The following DNAH10 variants were observed in gnomAD, a reference collection of about 807,000 sequenced individuals.
The protein encoded by DNAH10 is dynein axonemal heavy chain 10, also known as axonemal beta dynein heavy chain 10.
DNAH10 carries 348 observed loss-of-function variants against 506.6 expected under a neutral mutation model. The observed-to-expected ratio is 0.69, with a 90% CI of 0.63 to 0.75. The LOEUF (loss-of-function observed/expected upper bound fraction) is 0.75. Ranked by LOEUF, DNAH10 falls within the 30% of genes least tolerant of loss-of-function variation. DNAH10 has a pLI of 0.00. For synonymous variants in DNAH10, 2,059 were observed against 2,198.6 expected (o/e 0.94, Z 1.78); for missense variants, 5,179 against 5,787.1 (o/e 0.89, Z 3.41).
chr12:123,835,625 C>A, intron 28 of DNAH10, 97 bp downstream of exon 28: 2 of 1,465,812 alleles, frequency 1.4e-6, no homozygotes, highest in Non-Finnish European at 1.8e-6. Flanking sequence ...CCATTAGTAG[C>A]TTCTCTCTCA....
chr12:123,870,243 T>C (rs1016625739), intron 43 of DNAH10, 123 bp from the exon 44 acceptor site: 2 of 1,284,556 alleles, frequency 1.6e-6, no homozygotes, highest in African/African-American at 3.0e-5. Context: ...GGAGCAGCAT[T>C]GAAGTACTCA....
In DNAH10 at chr12:123,916,519, C is replaced by T. The variant is rs1954485861; in HGVS notation, c.10785C>T (p.Thr3595=). The T allele has an allele frequency of 1.2e-6, 2 of 1,613,766 alleles. No individual in the cohort carries two copies. Among genetic ancestry groups the T allele is most frequent in the African/African-American group, 1.3e-5 (1 of 74,892 alleles). The change falls in exon 63 of 79, where the codon ACC becomes ACT. Residue 3595 remains threonine (T), a synonymous_variant. Transcript: ENST00000673944. The surrounding 1 kb of genome is among the most constrained non-coding windows in gnomAD (Gnocchi z 4.6). The part of the protein sequence containing the change: ...KQLEMSIKYG[T]PFLFRDVDEY... ...TAGAGATGTCCATAAAGTACGGGAC[C>T]CCTTTCCTGTTCCGCGATGTTGATG... is the stretch of plus-strand genomic sequence containing the variant.
chr12:123,838,350 T>C (rs1961397242), intron 28 of DNAH10, 106 bp from the exon 29 acceptor site: 1 of 959,494 alleles, frequency 1.0e-6, no homozygotes, highest in East Asian at 2.6e-5. Context: ...GTCAGTTTTG[T>C]CTCGGCCGTG....
chr12:123,815,129 A>T (rs529034336), intron 21 of DNAH10, among the ~76,000 whole-genome samples: 35 of 152,328 alleles, frequency 2.3e-4, no homozygotes, highest in African/African-American at 8.4e-4. Flanking sequence ...TAATCTGCAC[A>T]AATGGACATC....
At chr12:123,854,154 T>C (rs1290271036) in intron 36 of DNAH10, among the ~76,000 whole-genome samples, 1 of 144,056 alleles carries the variant, frequency 6.9e-6, no homozygotes, top group Non-Finnish European at 1.5e-5. Flanking sequence ...TGTAAAACAC[T>C]ATAAAGTCAG....
chr12:123,833,011 A>C, intron 26 of DNAH10, 103 bp from the exon 27 acceptor site: 1 of 809,200 alleles, frequency 1.2e-6, no homozygotes, highest in South Asian at 1.7e-5. Flanking sequence ...CAGGACTCCG[A>C]TTGCATTGTT....
intron 65 of DNAH10, among the ~76,000 whole-genome samples, chr12:123,920,852 C>T (rs1954690942): frequency 6.6e-6 from 1 of 152,186 alleles, no homozygotes; most frequent in African/African-American, 2.4e-5. Flanking sequence ...TTACTGCAAC[C>T]TCCACCTCCC....
intron 51 of DNAH10, among the ~76,000 whole-genome samples, chr12:123,884,820 G>T (rs1459258180): frequency 6.6e-6 from 1 of 152,152 alleles, no homozygotes; most frequent in Non-Finnish European, 1.5e-5. Context: ...CAATTCAAAT[G>T]ATGCAGAAGC....
chr12:123,786,043 T>A, intron 9 of DNAH10, 107 bp downstream of exon 9: 1 of 1,245,342 alleles, frequency 8.0e-7, no homozygotes, highest in Non-Finnish European at 1.1e-6. Flanking sequence ...TTCTCTTACT[T>A]AAAATGTACA....
rs574080781 is a variant in DNAH10, at chr12:123,909,681, C to T, written c.9997+239C>T. Among the ~76,000 whole-genome samples, 3 of 152,318 alleles carry T rather than the reference C, an allele frequency of 2.0e-5. No individual in the cohort carries two copies. The highest frequency in any genetic ancestry group is 1.9e-4 in the East Asian group (1 of 5,188). On this transcript the variant is annotated intron_variant, in intron 58 of 78. Transcript: ENST00000673944. The surrounding 1 kb of genome is among the most constrained non-coding windows in gnomAD (Gnocchi z 5.4). ...AGCCGTGCCCACTGAGGGTTCGATT[C>T]GGCACTAGTCCTAGCTCTCCGTGTC... is the stretch of plus-strand genomic sequence containing the variant.
chr12:123,916,703 G>T lies in DNAH10; in HGVS notation c.10969G>T (p.Val3657Leu), dbSNP rs200533136. 1.2e-6 allele frequency: 2 copies of T among 1,613,120 alleles called. No homozygotes were observed. The highest frequency in any genetic ancestry group is 1.7e-5 in the Admixed American group (1 of 59,898). Residue 3657 changes from valine (V) to leucine (L), a missense_variant, in exon 63 of 79, where the codon GTG becomes TTG. Coordinates refer to ENST00000673944, the MANE Select transcript of DNAH10 (RefSeq NM_001372106.1). The surrounding 1 kb of genome is among the most constrained non-coding windows in gnomAD (Gnocchi z 4.6). ...KLANPRYSPS[V>L]FGKAMVINYT... Reference sequence around the variant, plus strand: ...GGCCAATCCCAGATATTCCCCATCCGTGTTTGGGAAAGCTATGGTGATCAA... The same window carrying T: ...GGCCAATCCCAGATATTCCCCATCCTTGTTTGGGAAAGCTATGGTGATCAA...
Position 123,909,538 on chromosome 12 carries a change from G to A in DNAH10, c.9997+96G>A. On this transcript the variant is annotated intron_variant, in intron 58 of 78. Coordinates refer to ENST00000673944, the MANE Select transcript of DNAH10 (RefSeq NM_001372106.1). The surrounding 1 kb of genome is among the most constrained non-coding windows in gnomAD (Gnocchi z 5.4). Reference sequence around the variant, plus strand: ...TGGAGGGCAAGGAGGCTTGTCGTGGGCAGGCCCTCCCCTTCTGGTCAGATG... The same window carrying A: ...TGGAGGGCAAGGAGGCTTGTCGTGGACAGGCCCTCCCCTTCTGGTCAGATG... 1.4e-6 allele frequency: 2 copies of A among 1,413,792 alleles called. No homozygotes were observed. Among genetic ancestry groups the A allele is most frequent in the South Asian group, 2.9e-5 (2 of 68,322 alleles). 87.6% of individuals were successfully genotyped at this position (1,413,792 alleles called of 1,614,324 possible). A position where few individuals can be genotyped will look rare whatever the true frequency, so the allele number is the denominator to read the frequency against.
intron 50 of DNAH10, 51 bp from the exon 51 acceptor site, chr12:123,881,574 G>A: frequency 2.7e-6 from 4 of 1,480,444 alleles, no homozygotes; most frequent in Non-Finnish European, 2.7e-6. Flanking sequence ...TGGGTAGATT[G>A]TAAAACCCAC....
chr12:123,932,020 T>C lies in DNAH10; in HGVS notation c.13208T>C (p.Ile4403Thr), dbSNP rs1369868704. Residue 4403 changes from isoleucine (I) to threonine (T), a missense_variant, in exon 76 of 79, where the codon ATC becomes ACC. Transcript: ENST00000673944. ...CTTTTTATCGGGCATATCCCTAATA[T>C]CTGGAGAAGGCTTGCTCCTGACACC... ...RSLFIGHIPN[I>T]WRRLAPDTLK... The C allele has an allele frequency of 6.2e-7, 1 of 1,613,902 alleles. No homozygotes were observed. The highest frequency in any genetic ancestry group is 1.3e-5 in the African/African-American group (1 of 74,922).
chr12:123,922,969 AAG>A, intron 65 of DNAH10: 1 of 152,236 alleles, frequency 6.6e-6, no homozygotes, highest in Admixed American at 6.5e-5. Context: ...TTGGGCAGAA[AAG>A]AGATTGTTTC....
chr12:123,932,024 G>C lies in DNAH10; in HGVS notation c.13212G>C (p.Trp4404Cys), dbSNP rs1434372075. ...TTATCGGGCATATCCCTAATATCTG[G>C]AGAAGGCTTGCTCCTGACACCTTAA... ...SLFIGHIPNIWRRLAPDTLKS... is the reference protein window; with the variant it reads ...SLFIGHIPNICRRLAPDTLKS... The change falls in exon 76 of 79, where the codon TGG (tryptophan) becomes TGC (cysteine). Residue 4404 changes from tryptophan (W) to cysteine (C), a missense_variant. By Grantham distance (215) the Trp-to-Cys change is radical (BLOSUM62 -2). This residue lies in a region of DNAH10 where 4,844 missense variants were observed against 5,430.5 expected (regional missense o/e 0.89). Transcript: ENST00000673944. 6.2e-7 allele frequency: 1 copy of C among 1,613,990 alleles called. No homozygotes were observed. The highest frequency in any genetic ancestry group is 8.5e-7 in the Non-Finnish European group (1 of 1,179,884).
intron 55 of DNAH10, among the ~76,000 whole-genome samples, 171 bp downstream of exon 55, chr12:123,898,138 C>T (rs1409164312): frequency 6.6e-6 from 1 of 152,230 alleles, no homozygotes; most frequent in East Asian, 1.9e-4. Flanking sequence ...AGGACCCTGG[C>T]ATGTCCTTAT....
intron 52 of DNAH10, among the ~76,000 whole-genome samples, chr12:123,887,740 A>AT (rs559568562): frequency 6.7e-5 from 10 of 148,644 alleles, no homozygotes; most frequent in East Asian, 2.0e-4. Context: ...GTCTTTACAA[A>AT]TTTTTTTTTT....
chr12:123,836,295 C>T (rs1465041506), intron 28 of DNAH10, among the ~76,000 whole-genome samples: 2 of 152,184 alleles, frequency 1.3e-5, no homozygotes, highest in Non-Finnish European at 2.9e-5. Context: ...TTTCATGGCT[C>T]TCTATATTCC....
Sources: gnomAD v4.1 joint callset for allele counts (sites outside exome capture counted in the v4.1 genomes callset) on GRCh38, gnomAD v4.1.1 for gene constraint, gnomAD v4.1.1 regional missense constraint, Gnocchi (gnomAD v3.1) non-coding constraint, MANE v1.5 for transcripts, NCBI Gene and HGNC (gene_info 2026-07-23, HGNC 2026-07-21) for gene names.